Variants in MDGA2 observed in about 807,000 individuals in gnomAD.
The protein encoded by MDGA2 is MAM domain-containing glycosylphosphatidylinositol anchor protein 2.
A neutral mutation model predicts 117.8 loss-of-function variants in MDGA2; 40 were observed. That is an observed-to-expected ratio of 0.34 (90% CI 0.26 to 0.44). The LOEUF is 0.44. Ranked by LOEUF, MDGA2 falls within the 20% of genes least tolerant of loss-of-function variation. The pLI, the probability that MDGA2 is intolerant of heterozygous loss-of-function variation, is 1.00. For synonymous variants in MDGA2, 452 were observed against 439.0 expected, an observed-to-expected ratio of 1.03 and a Z score of -0.37; for missense variants, 1,123 against 1,250.6, an observed-to-expected ratio of 0.90 and a Z score of 1.54.
At chr14:47,636,753 C>T (rs1897328596) in intron 1 of MDGA2, among the ~76,000 whole-genome samples, 1 of 137,896 alleles carries the variant, frequency 7.3e-6, no homozygotes, top group African/African-American at 2.7e-5. Flanking sequence ...CCACTGCACT[C>T]CAGCCTGGGC....
intron 3 of MDGA2, among the ~76,000 whole-genome samples, chr14:47,216,081 GGCACA>G (rs1886076988): frequency 6.6e-6 from 1 of 152,076 alleles, no homozygotes; most frequent in South Asian, 2.1e-4. Context: ...GAGATACTCA[GGCACA>G]ACCCAGTCTG....
chr14:47,066,860 T>C lies in MDGA2; in HGVS notation c.1196-5282A>G, dbSNP rs76201165. On this transcript the variant is annotated intron_variant, in intron 6 of 16. Coordinates refer to ENST00000399232, the MANE Select transcript of MDGA2 (RefSeq NM_001113498.3). ...AGTGTAGGCCAGGTGTAGTGGCTCA[T>C]GCCTGCACTTTGGGAGGCTGAGACG... 0.012 allele frequency among the ~76,000 whole-genome samples: 1,901 copies of C among 152,246 alleles called. 93 individuals carry two copies. The East Asian group carries it at 0.17, about 14-fold the overall frequency.
intron 1 of MDGA2, among the ~76,000 whole-genome samples, chr14:47,469,522 A>G (rs1428803650): frequency 1.3e-5 from 2 of 152,102 alleles, no homozygotes; most frequent in African/African-American, 4.8e-5. Context: ...CATGGTGTAT[A>G]TGTGCCACAT....
chr14:46,971,527 TA>T (rs1336655702), intron 8 of MDGA2, among the ~76,000 whole-genome samples: 1 of 151,816 alleles, frequency 6.6e-6, no homozygotes, highest in African/African-American at 2.4e-5. Flanking sequence ...GGAGATAGAG[TA>T]TAGATAGATA....
At chr14:47,117,333 T>C (rs115358282) in intron 5 of MDGA2, among the ~76,000 whole-genome samples, 4 of 152,106 alleles carry the variant, frequency 2.6e-5, no homozygotes, top group African/African-American at 9.7e-5. Context: ...GAAAACGATA[T>C]AGAGGTTCCT....
rs372595999 is a variant in MDGA2 at position 47,064,440 on chromosome 14, A to C, written c.1196-2862T>G. 9.9e-4 allele frequency among the ~76,000 whole-genome samples: 150 copies of C among 152,202 alleles called. 2 individuals are homozygous for C. The highest frequency in any genetic ancestry group is 3.4e-3 in the African/African-American group (142 of 41,556). ...TAACTGGTTTTGCATACAAAAAAGA[A>C]ATGTTCAGATAAAAGGTGTGTGTGC... On this transcript the variant is annotated intron_variant, in intron 6 of 16. Transcript: ENST00000399232.
chr14:47,512,055 A>T (rs1894653357), intron 1 of MDGA2, among the ~76,000 whole-genome samples: 1 of 152,172 alleles, frequency 6.6e-6, no homozygotes. Context: ...AGTCTTTGTC[A>T]AGGATCACAG....
At chr14:47,243,949 C>T (rs1336423931) in intron 2 of MDGA2, among the ~76,000 whole-genome samples, 1 of 151,786 alleles carries the variant, frequency 6.6e-6, no homozygotes, top group Non-Finnish European at 1.5e-5. Flanking sequence ...AATTAGATGA[C>T]CACTGCAATT....
chr14:47,105,027 C>T (rs572116298), intron 5 of MDGA2, among the ~76,000 whole-genome samples: 1 of 152,296 alleles, frequency 6.6e-6, no homozygotes, highest in Non-Finnish European at 1.5e-5. Flanking sequence ...TGGAAGGCAG[C>T]CTTCCCTTGG....
intron 9 of MDGA2, among the ~76,000 whole-genome samples, chr14:46,941,592 C>T (rs1032030140): frequency 6.6e-6 from 1 of 152,140 alleles, no homozygotes; most frequent in African/African-American, 2.4e-5. Context: ...TTCCACTGAA[C>T]TAAAAAGTTC....
intron 7 of MDGA2, among the ~76,000 whole-genome samples, chr14:47,053,182 C>T (rs1889517234): frequency 6.6e-6 from 1 of 151,962 alleles, no homozygotes; most frequent in Non-Finnish European, 1.5e-5. Flanking sequence ...TTCCATTGAT[C>T]AGTCATTCTC....
intron 1 of MDGA2, among the ~76,000 whole-genome samples, chr14:47,455,588 C>CA (rs1439719880): frequency 1.3e-5 from 2 of 151,848 alleles, no homozygotes; most frequent in Non-Finnish European, 2.9e-5. Context: ...TATTAGATAA[C>CA]AAAAAATGAC....
Position 47,367,352 on chromosome 14 carries a change from A to C in MDGA2, c.281-65802T>G, listed in dbSNP as rs111525559. Among the ~76,000 whole-genome samples, 20 of 152,338 alleles carry C rather than the reference A, an allele frequency of 1.3e-4. 2 individuals are homozygous for C. The highest frequency in any genetic ancestry group is 4.8e-4 in the African/African-American group (20 of 41,582). On this transcript the variant is annotated intron_variant, in intron 1 of 16. Coordinates refer to ENST00000399232, the MANE Select transcript of MDGA2 (RefSeq NM_001113498.3). ...TATTTGTCTCTGGCTGTACCAAAAA[A>C]GAGTATGAAACCAATTAAGAGTTCA...
rs988804679 is a variant in MDGA2, at chr14:46,899,404, G to A, written c.2239-17183C>T. 3.9e-5 allele frequency among the ~76,000 whole-genome samples: 6 copies of A among 152,140 alleles called. No individual in the cohort carries two copies. In the East Asian group the frequency reaches 1.2e-3, roughly 29 times the overall value. On this transcript the variant is annotated intron_variant, in intron 10 of 16. Transcript: ENST00000399232. ...GGCTATACTCTGAGATGAATCATTT[G>A]TACCATTCACTTTCTATTTGATTCT... is the stretch of plus-strand genomic sequence containing the variant.
intron 1 of MDGA2, among the ~76,000 whole-genome samples, chr14:47,506,479 T>G (rs1432985775): frequency 6.6e-6 from 1 of 152,184 alleles, no homozygotes; most frequent in Non-Finnish European, 1.5e-5. Context: ...CCGGACTTCG[T>G]ATGTTTCTCT....
intron 1 of MDGA2, among the ~76,000 whole-genome samples, chr14:47,334,203 A>T (rs1341242307): frequency 1.3e-5 from 2 of 151,652 alleles, no homozygotes; most frequent in East Asian, 3.9e-4. Context: ...AGCAAAAATT[A>T]AAAAAAATAT....
chr14:47,275,804 T>C (rs942095495), intron 2 of MDGA2, among the ~76,000 whole-genome samples: 10 of 152,178 alleles, frequency 6.6e-5, no homozygotes, highest in African/African-American at 1.9e-4. Context: ...CATCTTATCT[T>C]ACAGGAGAGA....
intron 10 of MDGA2, among the ~76,000 whole-genome samples, chr14:46,902,379 T>A (rs1883320291): frequency 6.6e-6 from 1 of 152,124 alleles, no homozygotes; most frequent in Non-Finnish European, 1.5e-5. Flanking sequence ...TCAAACCTGT[T>A]CCCTCCCTCC....
chr14:47,088,349 A>G (rs78448626), intron 6 of MDGA2, among the ~76,000 whole-genome samples: 2 of 152,276 alleles, frequency 1.3e-5, no homozygotes, highest in East Asian at 3.9e-4. Context: ...AAATTGGGAA[A>G]AGAGAAATAA....
Sources: allele counts gnomAD v4.1 joint callset (sites outside exome capture counted in the v4.1 genomes callset), GRCh38; gene constraint gnomAD v4.1.1; transcripts MANE v1.5; gene names NCBI Gene and HGNC (gene_info 2026-07-23, HGNC 2026-07-21).